The following PCDHGB6 variants were observed in gnomAD, a reference collection of about 807,000 sequenced individuals.
The protein encoded by PCDHGB6 is protocadherin gamma-B6.
A neutral mutation model predicts 59.1 loss-of-function variants in PCDHGB6; 51 were observed. The observed-to-expected ratio is 0.86, with a 90% CI of 0.69 to 1.09. The LOEUF is 1.09. Ranked by LOEUF, PCDHGB6 falls within the 50% of genes least tolerant of loss-of-function variation. The pLI, the probability that PCDHGB6 is intolerant of heterozygous loss-of-function variation, is 0.00. For synonymous variants in PCDHGB6, 466 were observed against 495.1 expected (o/e 0.94, Z 0.78); for missense variants, 1,148 against 1,205.1 (o/e 0.95, Z 0.70).
Position 141,477,029 on chromosome 5 carries a change from A to G in PCDHGB6, c.2419-17778A>G. 6.2e-7 allele frequency: 1 copy of G among 1,614,238 alleles called. No homozygotes were observed. The highest frequency in any genetic ancestry group is 8.5e-7 in the Non-Finnish European group (1 of 1,180,040). ...CTTAGACCTTGTAACCGGGATGCTG[A>G]CAATCAAGGGTCGGCTGGACTTCGA... On this transcript the variant is annotated intron_variant, in intron 1 of 3. Coordinates refer to ENST00000520790, the MANE Select transcript of PCDHGB6 (RefSeq NM_018926.3). The surrounding 1 kb of genome is among the most constrained non-coding windows in gnomAD (Gnocchi z 4.9).
chr5:141,494,901 G>C, intron 2 of PCDHGB6, 36 bp downstream of exon 2: 1 of 1,614,050 alleles, frequency 6.2e-7, no homozygotes, highest in Non-Finnish European at 8.5e-7. Context: ...CCTCTTCTCT[G>C]CGGCATTTTC....
At chr5:141,505,245 A>G (rs530515894) in intron 2 of PCDHGB6, 148 bp from the exon 3 acceptor site, 294 of 1,430,832 alleles carry the variant, frequency 2.1e-4, no homozygotes, top group Admixed American at 1.8e-3. Flanking sequence ...GAAGGATTGT[A>G]GAAGTGCCTC....
chr5:141,476,978 C>A lies in PCDHGB6; in HGVS notation c.2419-17829C>A, dbSNP rs1468851988. The A allele has an allele frequency of 2.5e-6, 4 of 1,614,138 alleles. No individual in the cohort carries two copies. Among genetic ancestry groups the A allele is most frequent in the Admixed American group, 3.3e-5 (2 of 60,012 alleles). On this transcript the variant is annotated intron_variant, in intron 1 of 3. Transcript: ENST00000520790. This position sits in a 1 kb window ranked among gnomAD's most constrained non-coding sequence, Gnocchi z 7.6. ...TATTTACTCCTTCGGCAGCCACAAC[C>A]GCGCCGGCGTGCGGCAACTATTCGC...
intron 2 of PCDHGB6, among the ~76,000 whole-genome samples, chr5:141,497,483 C>T (rs1039341023): frequency 6.6e-6 from 1 of 150,378 alleles, no homozygotes; most frequent in Non-Finnish European, 1.5e-5. Context: ...AGGTGCGGAA[C>T]CTCTCTCTCT....
In PCDHGB6 at chr5:141,489,663, C is replaced by T. The variant is rs1183544696; in HGVS notation, c.2419-5144C>T. The T allele has an allele frequency of 1.9e-6, 3 of 1,614,048 alleles. No individual in the cohort carries two copies. The highest frequency in any genetic ancestry group is 2.2e-5 in the South Asian group (2 of 91,094). ...TTGCCACCCCTGAGCGAGAGATGCGCATCTCAGAATCAGCAGCATCTGGGG... is the reference window on the plus strand; with the variant it reads ...TTGCCACCCCTGAGCGAGAGATGCGTATCTCAGAATCAGCAGCATCTGGGG... On this transcript the variant is annotated intron_variant, in intron 1 of 3. Coordinates refer to ENST00000520790, the MANE Select transcript of PCDHGB6 (RefSeq NM_018926.3). This position sits in a 1 kb window ranked among gnomAD's most constrained non-coding sequence, Gnocchi z 4.5.
chr5:141,507,846 T>G (rs892503210), intron 3 of PCDHGB6, among the ~76,000 whole-genome samples: 1 of 152,134 alleles, frequency 6.6e-6, no homozygotes, highest in African/African-American at 2.4e-5. Context: ...CAGGCCCTGC[T>G]CTCACTTTCA....
rs146235929 is a variant in PCDHGB6 at position 141,511,610 on chromosome 5, C to A, written c.*437C>A. On this transcript the variant is annotated 3_prime_UTR_variant, in exon 4 of 4. Transcript: ENST00000520790. ...GAAGTACCAAGTAACCTACAAGCCT[C>A]CTAGTTCTGAAAAGTTGGAAGGGCA... 1.0e-3 allele frequency: 247 copies of A among 237,682 alleles called. 1 individual carries two copies. The highest frequency in any genetic ancestry group is 5.2e-3 in the African/African-American group (235 of 45,400). The allele number at this position is 237,682 out of a possible 1,614,324, so 14.7% of individuals were successfully genotyped here. A position where few individuals can be genotyped will look rare whatever the true frequency, so the allele number is the denominator to read the frequency against.
intron 2 of PCDHGB6, among the ~76,000 whole-genome samples, chr5:141,498,338 G>T (rs2237079): frequency 2.6e-5 from 4 of 151,600 alleles, no homozygotes; most frequent in Non-Finnish European, 5.9e-5. Flanking sequence ...CATTCCAAAT[G>T]GGAAAAGCCT....
At chr5:141,478,396 G>GT in intron 1 of PCDHGB6, 1 of 1,613,564 alleles carries the variant, frequency 6.2e-7, no homozygotes, top group Non-Finnish European at 8.5e-7. Flanking sequence ...ACCATCAGGT[G>GT]TATCTCACCA....
rs1257565821 is a variant in PCDHGB6, at chr5:141,487,319, C to G, written c.2419-7488C>G. ...ATTCGTGGCACTACTCTCTAAGTGTCTTCGTGGGGCAGCCTGTGGAGTCAC... is the reference window on the plus strand; with the variant it reads ...ATTCGTGGCACTACTCTCTAAGTGTGTTCGTGGGGCAGCCTGTGGAGTCAC... On this transcript the variant is annotated intron_variant, in intron 1 of 3. Transcript: ENST00000520790. The surrounding 1 kb of genome is among the most constrained non-coding windows in gnomAD (Gnocchi z 5.0). The G allele has an allele frequency of 6.2e-7, 1 of 1,614,052 alleles. No homozygotes were observed. The highest frequency in any genetic ancestry group is 1.3e-5 in the African/African-American group (1 of 74,930).
At chr5:141,482,809 T>C (rs1295469639) in intron 1 of PCDHGB6, among the ~76,000 whole-genome samples, 1 of 152,170 alleles carries the variant, frequency 6.6e-6, no homozygotes, top group Non-Finnish European at 1.5e-5. Flanking sequence ...CGGTGGCTCA[T>C]GCCTGTAATC....
At chr5:141,439,796 G>C (rs980000701) in intron 1 of PCDHGB6, 4 of 152,318 alleles carry the variant, frequency 2.6e-5, no homozygotes, top group African/African-American at 9.6e-5. Flanking sequence ...AATCCAAGAA[G>C]AGTTTGAAAA....
intron 1 of PCDHGB6, among the ~76,000 whole-genome samples, chr5:141,483,024 G>A (rs1210804345): frequency 6.6e-6 from 1 of 152,094 alleles, no homozygotes; most frequent in Non-Finnish European, 1.5e-5. Context: ...GGCAGAGGTT[G>A]CAATGAGCTG....
intron 1 of PCDHGB6, chr5:141,413,855 C>A: frequency 3.7e-6 from 6 of 1,613,324 alleles, no homozygotes; most frequent in Non-Finnish European, 5.1e-6. Flanking sequence ...CCTCTCCGAT[C>A]TGGCACTGTC....
chr5:141,464,273 A>G (rs1330533734), intron 1 of PCDHGB6, among the ~76,000 whole-genome samples: 1 of 136,736 alleles, frequency 7.3e-6, no homozygotes, highest in African/African-American at 3.0e-5. Context: ...TAAAAAAAAA[A>G]AAAAGCAAAA....
At chr5:141,482,074 A>G (rs1349748840) in intron 1 of PCDHGB6, among the ~76,000 whole-genome samples, 2 of 142,830 alleles carry the variant, frequency 1.4e-5, no homozygotes, top group Non-Finnish European at 3.0e-5. Context: ...AACAAGAACA[A>G]AACTCACTCC....
At chr5:141,441,831 C>T in intron 1 of PCDHGB6, 3 of 352,742 alleles carry the variant, frequency 8.5e-6, no homozygotes, top group South Asian at 7.2e-5. Context: ...AGCGCAATGG[C>T]TTCGCGCTCT....
intron 1 of PCDHGB6, among the ~76,000 whole-genome samples, chr5:141,438,633 T>C (rs1222106413): frequency 2.9e-5 from 1 of 34,046 alleles, no homozygotes; most frequent in Non-Finnish European, 5.1e-5. Context: ...TATATATATA[T>C]ATACACACAC....
intron 1 of PCDHGB6, among the ~76,000 whole-genome samples, chr5:141,462,783 T>A (rs1313584666): frequency 6.6e-6 from 1 of 152,236 alleles, no homozygotes; most frequent in Non-Finnish European, 1.5e-5. Flanking sequence ...CATAATTTGT[T>A]GCTTATTTGC....
Sources: allele counts gnomAD v4.1 joint callset (sites outside exome capture counted in the v4.1 genomes callset), GRCh38; gene constraint gnomAD v4.1.1; non-coding constraint Gnocchi (gnomAD v3.1); transcripts MANE v1.5; gene names NCBI Gene and HGNC (gene_info 2026-07-23, HGNC 2026-07-21).